Variants in SPAG16 observed in about 807,000 individuals in gnomAD.
SPAG16 encodes the protein sperm-associated antigen 16 protein.
Under a neutral mutation model 80.4 loss-of-function variants are expected in SPAG16, and 86 were observed. That is an observed-to-expected ratio of 1.07 (90% CI 0.90 to 1.28). SPAG16 has a LOEUF of 1.28. Ranked by LOEUF, SPAG16 falls within the 50% of genes most tolerant of loss-of-function variation. SPAG16 has a pLI of 0.00. For missense variants in SPAG16, 870 were observed against 765.3 expected (o/e 1.14, Z -1.61); for synonymous variants, 294 against 265.9 (o/e 1.11, Z -1.03).
chr2:214,194,076 CA>C (rs753123614), intron 15 of SPAG16, among the ~76,000 whole-genome samples: 19 of 152,008 alleles, frequency 1.2e-4, no homozygotes, highest in South Asian at 2.1e-4. Flanking sequence ...ATGACTTGGA[CA>C]AGCAAGACAT....
intron 10 of SPAG16, among the ~76,000 whole-genome samples, chr2:213,840,311 G>A (rs2074303791): frequency 6.6e-6 from 1 of 152,074 alleles, no homozygotes; most frequent in South Asian, 2.1e-4. Context: ...ACATTATACT[G>A]TTCAGTTAGC....
chr2:213,480,093 T>TA (rs1559175118), intron 9 of SPAG16, among the ~76,000 whole-genome samples: 2 of 152,222 alleles, frequency 1.3e-5, no homozygotes, highest in African/African-American at 4.8e-5. Context: ...AGAAAGAAGA[T>TA]AAAATTATGG....
intron 15 of SPAG16, among the ~76,000 whole-genome samples, chr2:214,298,662 T>G (rs751003347): frequency 1.1e-4 from 16 of 152,230 alleles, no homozygotes; most frequent in Non-Finnish European, 2.4e-4. Context: ...GTAAACTGTC[T>G]TAATGATTAC....
At chr2:213,984,172 T>C (rs2045897106) in intron 12 of SPAG16, among the ~76,000 whole-genome samples, 1 of 152,100 alleles carries the variant, frequency 6.6e-6, no homozygotes, top group Non-Finnish European at 1.5e-5. Flanking sequence ...TTCACGAATA[T>C]TATCAACCAA....
intron 15 of SPAG16, among the ~76,000 whole-genome samples, chr2:214,212,135 C>G (rs1341348904): frequency 2.0e-5 from 3 of 152,166 alleles, no homozygotes; most frequent in Non-Finnish European, 4.4e-5. Flanking sequence ...AATATTTACT[C>G]TCTGTGGCCT....
intron 11 of SPAG16, among the ~76,000 whole-genome samples, chr2:213,926,216 T>C (rs1559595478): frequency 6.6e-6 from 1 of 152,238 alleles, no homozygotes; most frequent in Non-Finnish European, 1.5e-5. Flanking sequence ...GGATAATTTT[T>C]TCAAATATGT....
At chr2:214,059,186 C>CTATATATATATATA (rs36006046) in intron 13 of SPAG16, among the ~76,000 whole-genome samples, 200 of 114,340 alleles carry the variant, frequency 1.7e-3, no homozygotes, top group South Asian at 5.1e-3. Context: ...CTCTCTCTGT[C>CTATATATATATATA]TATATATATA....
intron 15 of SPAG16, among the ~76,000 whole-genome samples, chr2:214,301,190 T>G (rs1694525704): frequency 6.7e-6 from 1 of 149,744 alleles, no homozygotes; most frequent in Non-Finnish European, 1.5e-5. Flanking sequence ...ATTTACCACA[T>G]AAATAGATTT....
Position 213,385,479 on chromosome 2 carries a change from T to C in SPAG16, c.942+10360T>C, listed in dbSNP as rs187171093. Among the ~76,000 whole-genome samples, 543 of 152,300 alleles carry C rather than the reference T, an allele frequency of 3.6e-3. 3 individuals are homozygous for C. Among genetic ancestry groups the C allele is most frequent in the Non-Finnish European group, 5.5e-3 (373 of 68,008 alleles). On this transcript the variant is annotated intron_variant, in intron 9 of 15. Coordinates refer to ENST00000331683, the MANE Select transcript of SPAG16 (RefSeq NM_024532.5). ...TACTGTCGTGGAACCCATAGGTACA[T>C]GTTGGCTAGTTCCTGCAGTTCCTTG... is the stretch of plus-strand genomic sequence containing the variant.
At chr2:213,548,322 C>T (rs1247006233) in intron 10 of SPAG16, among the ~76,000 whole-genome samples, 10 of 152,304 alleles carry the variant, frequency 6.6e-5, no homozygotes, top group Non-Finnish European at 7.3e-5. Flanking sequence ...ACGCCGTTCT[C>T]CTGCCTCAGC....
At chr2:214,059,210 A>ATG (rs1306215210) in intron 13 of SPAG16, among the ~76,000 whole-genome samples, 8 of 82,364 alleles carry the variant, frequency 9.7e-5, no homozygotes, top group South Asian at 4.5e-4. Flanking sequence ...ATATATATAT[A>ATG]TATATGTATG....
At chr2:213,724,776 C>CAAAA in intron 10 of SPAG16, among the ~76,000 whole-genome samples, 1 of 39,888 alleles carries the variant, frequency 2.5e-5, no homozygotes, top group Non-Finnish European at 4.0e-5. Flanking sequence ...GACTCTGTCT[C>CAAAA]AAAAAAAAAA....
At chr2:213,337,796 A>G (rs1399267064) in intron 5 of SPAG16, among the ~76,000 whole-genome samples, 1 of 151,530 alleles carries the variant, frequency 6.6e-6, no homozygotes, top group African/African-American at 2.4e-5. Flanking sequence ...GTTGGAAAAC[A>G]CACTTCAGGA....
intron 10 of SPAG16, among the ~76,000 whole-genome samples, chr2:213,690,132 C>T (rs184441888): frequency 5.5e-4 from 83 of 152,280 alleles, no homozygotes; most frequent in African/African-American, 1.9e-3. Context: ...TTTATACTGG[C>T]TATTTTTTCT....
intron 14 of SPAG16, among the ~76,000 whole-genome samples, chr2:214,130,673 A>G (rs1430532387): frequency 1.3e-5 from 2 of 152,218 alleles, no homozygotes; most frequent in Non-Finnish European, 2.9e-5. Context: ...TATTGCTGCA[A>G]TGTGACAAGT....
At chr2:213,330,442 T>G in intron 5 of SPAG16, among the ~76,000 whole-genome samples, 1 of 152,242 alleles carries the variant, frequency 6.6e-6, no homozygotes, top group East Asian at 1.9e-4. Flanking sequence ...AAGATTTGAC[T>G]ACCCTGCTGG....
At position 213,955,441 on chromosome 2, in the gene SPAG16, G is replaced by A. The variant is rs186402961; in HGVS notation, c.1400+25296G>A. On this transcript the variant is annotated intron_variant, in intron 12 of 15. Coordinates refer to ENST00000331683, the MANE Select transcript of SPAG16 (RefSeq NM_024532.5). ...AGTTGAAAAGACATTTGATGAAAAC[G>A]CTATTTCATCCTTGACTTGTTGGGG... 8.5e-5 allele frequency among the ~76,000 whole-genome samples: 13 copies of A among 152,218 alleles called. No homozygotes were observed. In the East Asian group the frequency reaches 1.9e-3, roughly 23 times the overall value.
At chr2:213,385,297 C>G (rs1236262238) in intron 9 of SPAG16, among the ~76,000 whole-genome samples, 1 of 152,130 alleles carries the variant, frequency 6.6e-6, no homozygotes, top group Non-Finnish European at 1.5e-5. Flanking sequence ...CCCTAAGCTT[C>G]AAAGAGCCAT....
chr2:213,633,415 C>G (rs536429121), intron 10 of SPAG16, among the ~76,000 whole-genome samples: 1 of 151,972 alleles, frequency 6.6e-6, no homozygotes, highest in African/African-American at 2.4e-5. Context: ...ATTTTTTGAA[C>G]GTTTTAAGAC....
Sources: gnomAD v4.1 joint callset for allele counts (sites outside exome capture counted in the v4.1 genomes callset) on GRCh38, gnomAD v4.1.1 for gene constraint, MANE v1.5 for transcripts, NCBI Gene and HGNC (gene_info 2026-07-23, HGNC 2026-07-21) for gene names.